DPP10: variants seen among roughly 807,000 people sequenced by gnomAD.
The protein encoded by DPP10 is dipeptidyl peptidase like 10, also known as inactive dipeptidyl peptidase 10.
A neutral mutation model predicts 120.9 loss-of-function variants in DPP10; 33 were observed. The observed-to-expected ratio is 0.27, with a 90% CI of 0.21 to 0.37. The LOEUF (loss-of-function observed/expected upper bound fraction) is 0.37, where lower values mean the gene tolerates loss of function less well. DPP10 is among the 10% of genes least tolerant of loss of function. DPP10 has a pLI of 1.00. For missense variants in DPP10, 816 were observed against 942.8 expected (o/e 0.87, Z 1.76); for synonymous variants, 337 against 326.1 (o/e 1.03, Z -0.36).
chr2:115,772,784 G>T (rs1407870457), intron 13 of DPP10, among the ~76,000 whole-genome samples: 1 of 152,152 alleles, frequency 6.6e-6, no homozygotes, highest in Non-Finnish European at 1.5e-5. Flanking sequence ...GAAGAGATAG[G>T]TTTTTATCAA....
chr2:114,576,761 G>A (rs1264638160), intron 1 of DPP10, among the ~76,000 whole-genome samples: 3 of 152,168 alleles, frequency 2.0e-5, no homozygotes, highest in African/African-American at 7.2e-5. Context: ...CACAGCATCT[G>A]CTCTGCAAGA....
chr2:115,462,731 T>C (rs1204972236), intron 3 of DPP10, among the ~76,000 whole-genome samples: 3 of 152,224 alleles, frequency 2.0e-5, no homozygotes, highest in African/African-American at 7.2e-5. Context: ...GTTTTTTGTT[T>C]TTGTTCCTGC....
intron 3 of DPP10, among the ~76,000 whole-genome samples, chr2:115,467,685 C>A (rs2074416790): frequency 6.6e-6 from 1 of 152,102 alleles, no homozygotes; most frequent in South Asian, 2.1e-4. Context: ...ATATGATGAA[C>A]TTAAGAGTAC....
At chr2:115,539,722 G>GT (rs1284314086) in intron 5 of DPP10, among the ~76,000 whole-genome samples, 10 of 151,290 alleles carry the variant, frequency 6.6e-5, no homozygotes, top group Non-Finnish European at 1.5e-4. Context: ...TTTGTTCCAT[G>GT]TAATCGTATC....
intron 5 of DPP10, among the ~76,000 whole-genome samples, chr2:115,526,682 G>A (rs1357648707): frequency 6.6e-6 from 1 of 152,096 alleles, no homozygotes; most frequent in Admixed American, 6.6e-5. Context: ...AATCATTCAA[G>A]GACGTTTATG....
At chr2:115,533,687 G>A (rs1444892554) in intron 5 of DPP10, among the ~76,000 whole-genome samples, 1 of 151,944 alleles carries the variant, frequency 6.6e-6, no homozygotes, top group Non-Finnish European at 1.5e-5. Context: ...TACATTCGGG[G>A]TTCACTAATA....
chr2:115,744,356 A>C (rs1051373218), intron 9 of DPP10, among the ~76,000 whole-genome samples: 1 of 150,362 alleles, frequency 6.7e-6, no homozygotes, highest in Non-Finnish European at 1.5e-5. Flanking sequence ...TTTGAGGGAG[A>C]AACATGACAA....
chr2:115,841,115 C>T (rs929164998), intron 25 of DPP10, among the ~76,000 whole-genome samples: 3 of 151,840 alleles, frequency 2.0e-5, no homozygotes, highest in Non-Finnish European at 2.9e-5. Context: ...CCTTCTTGTT[C>T]CTTTTATCTT....
rs1031927332 is a variant in DPP10, at chr2:115,343,971, T to A, written c.271+59T>A. 4 of 1,419,886 alleles carry A rather than the reference T, an allele frequency of 2.8e-6. No homozygotes were observed. In the African/African-American group the frequency reaches 4.4e-5, roughly 16 times the overall value. The allele number at this position is 1,419,886 out of a possible 1,614,324, so 88.0% of individuals were successfully genotyped here. A position where few individuals can be genotyped will look rare whatever the true frequency, so the allele number is the denominator to read the frequency against. On this transcript the variant is annotated intron_variant, in intron 3 of 25. Transcript: ENST00000410059. The stretch of plus-strand genomic sequence containing the variant: ...TTTGAGTTCTGTATAATTAAAATTT[T>A]AAAAAATGAGATGTGTAAGCTGGGC...
chr2:114,610,190 C>T (rs1162945256), intron 1 of DPP10, among the ~76,000 whole-genome samples: 1 of 152,112 alleles, frequency 6.6e-6, no homozygotes, highest in Non-Finnish European at 1.5e-5. Flanking sequence ...TGGTATATAT[C>T]ACAGGCGTAT....
chr2:114,725,505 T>C (rs1200027305), intron 1 of DPP10, among the ~76,000 whole-genome samples: 2 of 152,210 alleles, frequency 1.3e-5, no homozygotes, highest in African/African-American at 4.8e-5. Flanking sequence ...CATCCGATGA[T>C]GCAAATTCTC....
chr2:115,216,086 G>T (rs1317296922), intron 1 of DPP10, among the ~76,000 whole-genome samples: 1 of 152,120 alleles, frequency 6.6e-6, no homozygotes, highest in Non-Finnish European at 1.5e-5. Flanking sequence ...TCACTTATAT[G>T]TGGGCGCTAA....
At chr2:115,697,271 TAAAAG>T (rs1277627441) in intron 7 of DPP10, among the ~76,000 whole-genome samples, 1 of 151,820 alleles carries the variant, frequency 6.6e-6, no homozygotes, top group Non-Finnish European at 1.5e-5. Context: ...ATTATTCAAT[TAAAAG>T]AAACTAAGAA....
chr2:115,301,324 A>G (rs886397937), intron 1 of DPP10, among the ~76,000 whole-genome samples: 6 of 151,872 alleles, frequency 4.0e-5, no homozygotes, highest in African/African-American at 1.5e-4. Flanking sequence ...GATTCAAACT[A>G]TATATTCATT....
chr2:115,361,494 CT>C (rs2064763441), intron 3 of DPP10, among the ~76,000 whole-genome samples: 1 of 152,080 alleles, frequency 6.6e-6, no homozygotes, highest in African/African-American at 2.4e-5. Context: ...AGACATGCCC[CT>C]TTCCCATGGG....
chr2:115,799,675 A>C (rs1288440421), intron 19 of DPP10, among the ~76,000 whole-genome samples: 3 of 145,850 alleles, frequency 2.1e-5, no homozygotes, highest in African/African-American at 7.6e-5. Flanking sequence ...ATGAGTGAGA[A>C]CATGCGGTGT....
At chr2:115,806,618 T>C (rs1282573633) in intron 19 of DPP10, among the ~76,000 whole-genome samples, 1 of 152,170 alleles carries the variant, frequency 6.6e-6, no homozygotes, top group Non-Finnish European at 1.5e-5. Flanking sequence ...TGAAAGTTAG[T>C]AATAATTAGC....
intron 1 of DPP10, among the ~76,000 whole-genome samples, chr2:114,589,058 T>C (rs1187669617): frequency 6.7e-6 from 1 of 149,324 alleles, no homozygotes; most frequent in East Asian, 2.0e-4. Context: ...GTAGGGGACG[T>C]ACTGTTTATA....
At chr2:115,767,176 A>T (rs953146376) in intron 12 of DPP10, among the ~76,000 whole-genome samples, 1 of 152,160 alleles carries the variant, frequency 6.6e-6, no homozygotes, top group Non-Finnish European at 1.5e-5. Flanking sequence ...GAAGATCCAG[A>T]CCAAGGGAAT....
Sources: allele counts gnomAD v4.1 joint callset (sites outside exome capture counted in the v4.1 genomes callset), GRCh38; gene constraint gnomAD v4.1.1; transcripts MANE v1.5; gene names NCBI Gene and HGNC (gene_info 2026-07-23, HGNC 2026-07-21).